The following EPHA7 variants were observed in gnomAD, a reference collection of about 807,000 sequenced individuals.
The protein encoded by EPHA7 is EPH receptor A7.
EPHA7 carries 25 observed loss-of-function variants against 112.6 expected under a neutral mutation model. The observed-to-expected ratio is 0.22, with a 90% confidence interval of 0.16 to 0.31. The LOEUF is 0.31. Among genes scored for constraint, EPHA7 ranks in the 10% least tolerant of loss-of-function variants. The pLI is 1.00. For missense variants in EPHA7, 962 were observed against 1,212.6 expected, an observed-to-expected ratio of 0.79 and a Z score of 3.07; for synonymous variants, 437 against 406.5, an observed-to-expected ratio of 1.07 and a Z score of -0.90.
At chr6:93,312,421 T>C (rs1259053055) in intron 5 of EPHA7, among the ~76,000 whole-genome samples, 1 of 151,728 alleles carries the variant, frequency 6.6e-6, no homozygotes, top group East Asian at 1.9e-4. Context: ...TTTTTAAGTC[T>C]CACGAACCTA....
intron 3 of EPHA7, among the ~76,000 whole-genome samples, chr6:93,395,451 T>TA (rs1778120041): frequency 6.6e-6 from 1 of 151,838 alleles, no homozygotes; most frequent in Non-Finnish European, 1.5e-5. Context: ...GCTCTGCATG[T>TA]AAAATGTCAT....
chr6:93,342,247 G>A (rs1220321280), intron 5 of EPHA7, among the ~76,000 whole-genome samples: 1 of 151,832 alleles, frequency 6.6e-6, no homozygotes, highest in Non-Finnish European at 1.5e-5. Context: ...CTCTGTAATT[G>A]CAGGTGTGGA....
chr6:93,254,513 G>A (rs1770350748), intron 14 of EPHA7, 134 bp downstream of exon 14: 1 of 534,458 alleles, frequency 1.9e-6, no homozygotes, highest in Non-Finnish European at 3.0e-6. Context: ...GGTAATTAGT[G>A]TGGTAGTAAT....
intron 5 of EPHA7, among the ~76,000 whole-genome samples, chr6:93,296,020 T>C (rs1219456400): frequency 6.6e-6 from 1 of 151,852 alleles, no homozygotes; most frequent in East Asian, 1.9e-4. Flanking sequence ...TTATATATAA[T>C]TAAAATATTA....
chr6:93,269,447 A>C, intron 7 of EPHA7, 30 bp downstream of exon 7: 1 of 1,595,556 alleles, frequency 6.3e-7, no homozygotes, highest in Non-Finnish European at 8.6e-7. Context: ...AGTTATTGAG[A>C]GTAGGAATCC....
At chr6:93,419,143 G>A in intron 1 of EPHA7, 102 bp downstream of exon 1, 1 of 930,342 alleles carries the variant, frequency 1.1e-6, no homozygotes. Flanking sequence ...AGGGTCGCCC[G>A]GCGCCGGAGG....
intron 3 of EPHA7, among the ~76,000 whole-genome samples, chr6:93,393,996 T>A (rs1778038741): frequency 7.9e-6 from 1 of 125,820 alleles, no homozygotes; most frequent in East Asian, 2.4e-4. Flanking sequence ...ATACAAATTA[T>A]CTCCATAATA....
intron 1 of EPHA7, among the ~76,000 whole-genome samples, chr6:93,416,939 T>C (rs1196909447): frequency 2.0e-5 from 3 of 152,050 alleles, no homozygotes; most frequent in African/African-American, 7.2e-5. Context: ...AAGCATCCAT[T>C]ACGCCTCTGC....
chr6:93,389,620 A>T (rs1163015945), intron 3 of EPHA7, among the ~76,000 whole-genome samples: 1 of 152,104 alleles, frequency 6.6e-6, no homozygotes, highest in East Asian at 1.9e-4. Flanking sequence ...CAGAGGAAAA[A>T]TAAGCAAGTA....
At chr6:93,257,609 G>C (rs1770496754) in intron 11 of EPHA7, 86 bp from the exon 12 acceptor site, 2 of 848,524 alleles carry the variant, frequency 2.4e-6, no homozygotes, top group African/African-American at 3.4e-5. Context: ...AACACATGGT[G>C]TTCTTTTGAA....
At chr6:93,294,430 T>C (rs368042357) in intron 5 of EPHA7, among the ~76,000 whole-genome samples, 2 of 152,286 alleles carry the variant, frequency 1.3e-5, no homozygotes, top group Admixed American at 6.5e-5. Context: ...AATTTATATA[T>C]AACTACTGAT....
intron 5 of EPHA7, among the ~76,000 whole-genome samples, chr6:93,311,690 A>T (rs1247373480): frequency 6.6e-6 from 1 of 152,182 alleles, no homozygotes; most frequent in Non-Finnish European, 1.5e-5. Context: ...GAACGTCCTT[A>T]ATGGCATACG....
At chr6:93,313,328 T>C (rs1393553170) in intron 5 of EPHA7, among the ~76,000 whole-genome samples, 2 of 152,122 alleles carry the variant, frequency 1.3e-5, no homozygotes, top group East Asian at 1.9e-4. Flanking sequence ...AAAATGATGC[T>C]ATGTGGTATT....
intron 14 of EPHA7, 79 bp downstream of exon 14, chr6:93,254,568 G>A: frequency 4.4e-6 from 5 of 1,127,716 alleles, no homozygotes; most frequent in South Asian, 4.3e-5. Flanking sequence ...TGTTCTTAAT[G>A]AGCCTTTACC....
chr6:93,304,406 C>A (rs764146838), intron 5 of EPHA7, among the ~76,000 whole-genome samples: 4 of 152,006 alleles, frequency 2.6e-5, no homozygotes, highest in Non-Finnish European at 5.9e-5. Context: ...CCAATGCTGG[C>A]AGCAATGCTT....
chr6:93,328,842 G>A (rs571392456), intron 5 of EPHA7, among the ~76,000 whole-genome samples: 36 of 151,374 alleles, frequency 2.4e-4, no homozygotes, highest in Admixed American at 2.2e-3. Context: ...GACTACATGG[G>A]CAAAATAATA....
chr6:93,336,092 T>C (rs1192958955), intron 5 of EPHA7, among the ~76,000 whole-genome samples: 1 of 152,162 alleles, frequency 6.6e-6, no homozygotes, highest in Non-Finnish European at 1.5e-5. Flanking sequence ...ATAGTTCATG[T>C]AGTACATTGA....
chr6:93,358,720 T>A (rs1422931905), intron 3 of EPHA7, among the ~76,000 whole-genome samples: 22 of 152,214 alleles, frequency 1.4e-4, no homozygotes, highest in Admixed American at 1.4e-3. Context: ...TTAATTCCGA[T>A]ATATAATTCA....
intron 3 of EPHA7, among the ~76,000 whole-genome samples, chr6:93,403,082 C>A (rs1778508622): frequency 6.6e-6 from 1 of 152,168 alleles, no homozygotes; most frequent in Non-Finnish European, 1.5e-5. Flanking sequence ...TAATTATTAG[C>A]ACTTTATCCT....
Sources: allele counts gnomAD v4.1 joint callset (sites outside exome capture counted in the v4.1 genomes callset), GRCh38; gene constraint gnomAD v4.1.1; transcripts MANE v1.5; gene names NCBI Gene and HGNC (gene_info 2026-07-23, HGNC 2026-07-21).